CNOT10: variants seen among roughly 807,000 people sequenced by gnomAD.
CNOT10 encodes the protein CCR4-NOT transcription complex, subunit 10.
Under a neutral mutation model 94.6 loss-of-function variants are expected in CNOT10, and 30 were observed. The observed-to-expected ratio is 0.32, with a 90% CI of 0.24 to 0.43. CNOT10 has a LOEUF of 0.43. Ranked by LOEUF, CNOT10 falls within the 20% of genes least tolerant of loss-of-function variation. The probability of loss-of-function intolerance (pLI) is 1.00; values close to 1 mark genes in which losing one functional copy is unlikely to be tolerated. For missense variants in CNOT10, 759 were observed against 877.2 expected, an observed-to-expected ratio of 0.87 and a Z score of 1.70; for synonymous variants, 289 against 301.6, an observed-to-expected ratio of 0.96 and a Z score of 0.43.
chr3:32,740,948 C>G (rs1699437084), intron 13 of CNOT10, among the ~76,000 whole-genome samples: 1 of 151,854 alleles, frequency 6.6e-6, no homozygotes, highest in Non-Finnish European at 1.5e-5. Flanking sequence ...TCAAGCAATC[C>G]TCCCACCTTG....
chr3:32,724,578 A>C (rs1051544656), intron 8 of CNOT10, among the ~76,000 whole-genome samples: 2 of 151,860 alleles, frequency 1.3e-5, no homozygotes, highest in African/African-American at 4.8e-5. Context: ...ACGCCCGGCT[A>C]ATTTTTTGTA....
chr3:32,757,479 A>G lies in CNOT10; in HGVS notation c.1596-1979A>G, dbSNP rs530249424. Among the ~76,000 whole-genome samples the G allele has an allele frequency of 1.7e-3, 256 of 152,212 alleles. 1 individual carries two copies. The highest frequency in any genetic ancestry group is 5.9e-3 in the African/African-American group (243 of 41,526). ...CAGGCATGAGCCACCGCACCCAGCC[A>G]CTAATGGTCTTCTTGAGCCTCCGGA... is the stretch of plus-strand genomic sequence containing the variant. On this transcript the variant is annotated intron_variant, in intron 13 of 18. Coordinates refer to ENST00000328834, the MANE Select transcript of CNOT10 (RefSeq NM_015442.3).
intron 1 of CNOT10, 113 bp downstream of exon 1, chr3:32,685,595 G>A: frequency 8.3e-7 from 1 of 1,208,710 alleles, no homozygotes; most frequent in Non-Finnish European, 1.2e-6. Flanking sequence ...CTTGAATTTG[G>A]GCGTGCATTT....
At chr3:32,745,965 C>T (rs1699679119) in intron 13 of CNOT10, among the ~76,000 whole-genome samples, 1 of 152,218 alleles carries the variant, frequency 6.6e-6, no homozygotes, top group South Asian at 2.1e-4. Context: ...GCACTCCAAC[C>T]TGGGTGACAA....
chr3:32,744,203 C>G (rs1416003592), intron 13 of CNOT10, among the ~76,000 whole-genome samples: 1 of 152,170 alleles, frequency 6.6e-6, no homozygotes, highest in Non-Finnish European at 1.5e-5. Flanking sequence ...AGCCTGAGCA[C>G]TGTGTTTTAA....
chr3:32,698,206 C>T (rs921887761), intron 1 of CNOT10, among the ~76,000 whole-genome samples: 1 of 152,216 alleles, frequency 6.6e-6, no homozygotes, highest in Non-Finnish European at 1.5e-5. Context: ...ACTTTATTCA[C>T]TTAACTCTTA....
At chr3:32,695,653 A>C in intron 1 of CNOT10, 4 of 1,536,052 alleles carry the variant, frequency 2.6e-6, no homozygotes, top group Non-Finnish European at 3.5e-6. Context: ...AAAGACTGTC[A>C]AGGTTTGTGG....
chr3:32,709,867 C>A (rs946107182), intron 4 of CNOT10, among the ~76,000 whole-genome samples: 1 of 152,074 alleles, frequency 6.6e-6, no homozygotes, highest in African/African-American at 2.4e-5. Context: ...TATAAATATG[C>A]CCAGCGCAGT....
chr3:32,720,613 C>T (rs1165117911), intron 8 of CNOT10, among the ~76,000 whole-genome samples: 2 of 152,038 alleles, frequency 1.3e-5, no homozygotes, highest in Non-Finnish European at 2.9e-5. Context: ...CCACCTCACC[C>T]TCCCAGGTAG....
intron 8 of CNOT10, among the ~76,000 whole-genome samples, chr3:32,721,305 G>T (rs537241538): frequency 6.6e-6 from 1 of 151,000 alleles, no homozygotes; most frequent in Non-Finnish European, 1.5e-5. Flanking sequence ...CAAGTGACCC[G>T]CCCACCTCAG....
At chr3:32,772,969 A>T (rs3763574) in intron 18 of CNOT10, among the ~76,000 whole-genome samples, 4,343 of 152,200 alleles carry the variant, frequency 0.029, 111 homozygotes, top group East Asian at 0.11. Context: ...AGGTTCAAGC[A>T]GCCCTCCTGC....
chr3:32,720,064 A>G lies in CNOT10; in HGVS notation c.745-50A>G, dbSNP rs372547430. 14 of 894,914 alleles carry G rather than the reference A, an allele frequency of 1.6e-5. No homozygotes were observed. The African/African-American group carries it at 1.6e-4, about 10-fold the overall frequency. 55.4% of individuals were successfully genotyped at this position (894,914 alleles called of 1,614,324 possible). A position where few individuals can be genotyped will look rare whatever the true frequency, so the allele number is the denominator to read the frequency against. On this transcript the variant is annotated intron_variant, in intron 7 of 18. Transcript: ENST00000328834. Reference sequence around the variant, plus strand: ...TACAACAGTATAATTAAGATCTTACATTAGGCGTCTGAAAACAAATTATAA... The same window carrying G: ...TACAACAGTATAATTAAGATCTTACGTTAGGCGTCTGAAAACAAATTATAA...
Position 32,695,968 on chromosome 3 carries a change from A to AGTGTGTGTGT in CNOT10, c.23-7861_23-7852dup, listed in dbSNP as rs764702440. On this transcript the variant is annotated intron_variant, in intron 1 of 18. Transcript: ENST00000328834. ...AAATAAAAATAATCCTGTTGAAGAG[A>AGTGTGTGTGT]GTGTGTGTGTGTGTGTGTGTGTGTG... 622 of 433,044 alleles carry AGTGTGTGTGT rather than the reference A, an allele frequency of 1.4e-3. 7 individuals are homozygous for AGTGTGTGTGT. The highest frequency in any genetic ancestry group is 9.3e-3 in the African/African-American group (385 of 41,208). 26.8% of individuals were successfully genotyped at this position (433,044 alleles called of 1,614,324 possible). A position where few individuals can be genotyped will look rare whatever the true frequency, so the allele number is the denominator to read the frequency against.
At chr3:32,703,651 G>T in intron 1 of CNOT10, 1 of 400,000 alleles carries the variant, frequency 2.5e-6, no homozygotes, top group Non-Finnish European at 4.5e-6. Flanking sequence ...CTTCCTGGAT[G>T]GGACAGAGCG....
chr3:32,686,279 G>A (rs1415194013), intron 1 of CNOT10, among the ~76,000 whole-genome samples: 1 of 152,112 alleles, frequency 6.6e-6, no homozygotes, highest in African/African-American at 2.4e-5. Flanking sequence ...TGGCATCCAG[G>A]TTTTATTGGA....
chr3:32,749,041 C>T (rs1486423693), intron 13 of CNOT10, among the ~76,000 whole-genome samples: 2 of 151,870 alleles, frequency 1.3e-5, no homozygotes, highest in African/African-American at 4.8e-5. Flanking sequence ...AGGCTCGTCT[C>T]GAACTCCTGA....
Position 32,703,886 on chromosome 3 carries a change from A to C in CNOT10, c.41A>C (p.His14Pro). 1 of 1,613,578 alleles carries C rather than the reference A, an allele frequency of 6.2e-7. No individual in the cohort carries two copies. The highest frequency in any genetic ancestry group is 1.1e-5 in the South Asian group (1 of 91,038). Residue 14 changes from histidine to proline, a missense_variant, in exon 2 of 19, where the codon CAT becomes CCT. Physicochemically the swap from His to Pro is moderately conservative, Grantham distance 77 (BLOSUM62 -2). Transcript: ENST00000328834. ...TTTGCAGATCAGGGAGCAGAGAAACATGAAGGCACAGGTCAGTCCTCTGGG... is the reference window on the plus strand; with the variant it reads ...TTTGCAGATCAGGGAGCAGAGAAACCTGAAGGCACAGGTCAGTCCTCTGGG... Reference protein sequence around the residue: ...DKPADQGAEKHEGTGQSSGIT... With the variant: ...DKPADQGAEKPEGTGQSSGIT...
intron 1 of CNOT10, among the ~76,000 whole-genome samples, chr3:32,690,633 G>A (rs974379878): frequency 6.0e-5 from 9 of 150,840 alleles, no homozygotes; most frequent in Non-Finnish European, 8.9e-5. Context: ...TGCAAGCTCC[G>A]CCTCCCGGGT....
Position 32,754,489 on chromosome 3 carries a change from A to AAAAAAT in CNOT10, c.1596-4968_1596-4967insAAAATA, listed in dbSNP as rs77878221. ...AAGACTCCGTCTCAAAAAAAAAAAA[A>AAAAAAT]ATACATATATATATATATATTTATT... On this transcript the variant is annotated intron_variant, in intron 13 of 18. Transcript: ENST00000328834. 8.5e-4 allele frequency among the ~76,000 whole-genome samples: 60 copies of AAAAAAT among 70,198 alleles called. 4 individuals carry two copies. The highest frequency in any genetic ancestry group is 3.1e-3 in the East Asian group (5 of 1,624). The allele number at this position is 70,198 out of a possible 152,430, so 46.1% of individuals were successfully genotyped here.
Sources: gnomAD v4.1 joint callset for allele counts (sites outside exome capture counted in the v4.1 genomes callset) on GRCh38, gnomAD v4.1.1 for gene constraint, MANE v1.5 for transcripts, NCBI Gene and HGNC (gene_info 2026-07-23, HGNC 2026-07-21) for gene names.